The following ZC3H18 variants were observed in gnomAD, a reference collection of about 807,000 sequenced individuals.
ZC3H18 encodes zinc finger CCCH-type containing 18, also known as zinc finger CCCH domain-containing protein 18.
Under a neutral mutation model 106.1 loss-of-function variants are expected in ZC3H18, and 8 were observed. That is an observed-to-expected ratio of 0.08 (90% confidence interval 0.04 to 0.14). ZC3H18 has a LOEUF of 0.14. Among genes scored for constraint, ZC3H18 ranks in the 10% least tolerant of loss-of-function variants. ZC3H18 has a pLI of 1.00. For synonymous variants in ZC3H18, 635 were observed against 522.1 expected (o/e 1.22, Z -2.95); for missense variants, 1,318 against 1,278.4 (o/e 1.03, Z -0.47).
chr16:88,575,312 T>C (rs1914678254), intron 1 of ZC3H18, among the ~76,000 whole-genome samples: 2 of 152,080 alleles, frequency 1.3e-5, no homozygotes, highest in South Asian at 2.1e-4. Flanking sequence ...GACATATAAA[T>C]GTGTATGTGT....
chr16:88,631,296 A>G lies in ZC3H18; in HGVS notation c.2859A>G (p.Ala953=), dbSNP rs777874773. ...AGCGGGCCAAGATCCCCGGGAAAGC[A>G]TAGGCCGTGCCCCGACCGGACTGGA... ...ARKRAKIPGK[A] is the part of the protein sequence containing the mutation. The change falls in exon 18 of 18, where the codon GCA becomes GCG. Residue 953 remains alanine, a synonymous_variant. Transcript: ENST00000301011. The G allele has an allele frequency of 6.3e-7, 1 of 1,579,068 alleles. No individual in the cohort carries two copies. The highest frequency in any genetic ancestry group is 8.6e-7 in the Non-Finnish European group (1 of 1,162,568).
intron 2 of ZC3H18, among the ~76,000 whole-genome samples, chr16:88,578,502 G>GA (rs1254072740): frequency 6.6e-6 from 1 of 151,900 alleles, no homozygotes; most frequent in African/African-American, 2.4e-5. Flanking sequence ...GTGAGCAAGG[G>GA]ACAGAGCAGT....
rs1449399431 is a variant in ZC3H18, at chr16:88,572,239, T to TGCCGCAGA, written c.-15+1677_-15+1678insCAGAGCCG. On this transcript the variant is annotated intron_variant, in intron 1 of 17. Coordinates refer to ENST00000301011, the MANE Select transcript of ZC3H18 (RefSeq NM_144604.4). ...CCCCAAACGCTCTGCATTTCAGCAG[T>TGCCGCAGA]GCCGTTGGAGTCTGTGCATCCTCCC... is the stretch of plus-strand genomic sequence containing the variant. Among the ~76,000 whole-genome samples the TGCCGCAGA allele has an allele frequency of 2.0e-5, 3 of 152,338 alleles. No homozygotes were observed. In the East Asian group the frequency reaches 5.8e-4, roughly 29 times the overall value.
chr16:88,598,152 T>G, intron 3 of ZC3H18, 26 bp from the exon 4 acceptor site: 1 of 1,468,302 alleles, frequency 6.8e-7, no homozygotes, highest in Non-Finnish European at 9.1e-7. Flanking sequence ...TGTGGACCCT[T>G]TCTGATCTCA....
intron 2 of ZC3H18, among the ~76,000 whole-genome samples, chr16:88,580,562 G>A (rs1164511008): frequency 6.6e-6 from 1 of 152,044 alleles, no homozygotes; most frequent in Admixed American, 6.5e-5. Context: ...CTCCTCTCAG[G>A]CCCAGTTCCA....
intron 8 of ZC3H18, among the ~76,000 whole-genome samples, chr16:88,611,847 C>T (rs1045467839): frequency 6.6e-6 from 1 of 152,306 alleles, no homozygotes; most frequent in East Asian, 1.9e-4. Context: ...TAGGCGCTGC[C>T]CTTGTATACC....
At chr16:88,576,332 G>A (rs989002760) in intron 1 of ZC3H18, among the ~76,000 whole-genome samples, 1 of 152,134 alleles carries the variant, frequency 6.6e-6, no homozygotes, top group African/African-American at 2.4e-5. Flanking sequence ...GCGAGCCACC[G>A]TACCTGGCCA....
In ZC3H18 at chr16:88,631,918, G is replaced by T; in HGVS notation, c.*619G>T. ...TGTTGGGGCGTCTGTCTAATGTGGT[G>T]GGTCTTTTTTTGAGGGGTCTCCTAA... is the stretch of plus-strand genomic sequence containing the variant. On this transcript the variant is annotated 3_prime_UTR_variant, in exon 18 of 18. Transcript: ENST00000301011. 3.9e-6 allele frequency: 1 copy of T among 259,694 alleles called. No homozygotes were observed. Among genetic ancestry groups the T allele is most frequent in the South Asian group, 3.5e-5 (1 of 28,448 alleles). 16.1% of individuals were successfully genotyped at this position (259,694 alleles called of 1,614,324 possible).
intron 13 of ZC3H18, chr16:88,626,652 C>G (rs1184400350): frequency 1.3e-5 from 2 of 151,812 alleles, no homozygotes; most frequent in Non-Finnish European, 2.9e-5. Context: ...CGCGCCTGGC[C>G]TAAATGTTTC....
chr16:88,620,869 TTTTG>T (rs1365992606), intron 8 of ZC3H18, among the ~76,000 whole-genome samples: 4 of 152,192 alleles, frequency 2.6e-5, no homozygotes, highest in Non-Finnish European at 5.9e-5. Context: ...GTTTGGGTTT[TTTTG>T]TTTGTTTTTT....
intron 8 of ZC3H18, among the ~76,000 whole-genome samples, chr16:88,613,073 A>G (rs1294445087): frequency 1.3e-5 from 2 of 152,200 alleles, no homozygotes; most frequent in African/African-American, 4.8e-5. Context: ...CCAGTCTCTT[A>G]GCAGCTTTGT....
intron 6 of ZC3H18, among the ~76,000 whole-genome samples, chr16:88,605,593 C>T (rs1362777516): frequency 6.6e-6 from 1 of 152,262 alleles, no homozygotes; most frequent in African/African-American, 2.4e-5. Flanking sequence ...AGCACGATTT[C>T]AACCTGAATT....
intron 3 of ZC3H18, among the ~76,000 whole-genome samples, chr16:88,597,168 C>T (rs1160580547): frequency 3.3e-5 from 5 of 152,198 alleles, no homozygotes; most frequent in African/African-American, 4.8e-5. Flanking sequence ...TGAGCCACCA[C>T]GCCTGGCCTC....
chr16:88,591,900 G>T (rs373354308), intron 3 of ZC3H18, among the ~76,000 whole-genome samples: 2 of 134,640 alleles, frequency 1.5e-5, no homozygotes, highest in Non-Finnish European at 3.4e-5. Context: ...TGGTGGTTGT[G>T]TGTTTCATCT....
intron 3 of ZC3H18, among the ~76,000 whole-genome samples, chr16:88,588,645 T>C (rs1184773009): frequency 6.6e-6 from 1 of 152,178 alleles, no homozygotes; most frequent in Non-Finnish European, 1.5e-5. Context: ...AGTGAGACCA[T>C]GTGGAAGGGT....
chr16:88,576,407 C>T (rs1402658612), intron 1 of ZC3H18, among the ~76,000 whole-genome samples: 1 of 152,196 alleles, frequency 6.6e-6, no homozygotes, highest in African/African-American at 2.4e-5. Flanking sequence ...TTCTTTTCGA[C>T]AGCAGCTACC....
In ZC3H18 at chr16:88,611,388, G is replaced by A. The variant is rs755668159; in HGVS notation, c.1327G>A (p.Asp443Asn). The A allele has an allele frequency of 1.2e-4, 139 of 1,176,732 alleles. No individual in the cohort carries two copies. The highest frequency in any genetic ancestry group is 4.2e-4 in the Admixed American group (21 of 50,490). The allele number at this position is 1,176,732 out of a possible 1,614,324, so 72.9% of individuals were successfully genotyped here. The change falls in exon 8 of 18, where the codon GAC becomes AAC. Residue 443 changes from aspartate (D) to asparagine (N), a missense_variant. Coordinates refer to ENST00000301011, the MANE Select transcript of ZC3H18 (RefSeq NM_144604.4). Reference protein sequence around the residue: ...ERERERERERDKERQRRKEEW... With the variant: ...ERERERERERNKERQRRKEEW... ...CGAGCGAGAGCGGGAGCGCGAGCGC[G>A]ACAAGGAGCGGCAGCGGAGGAAGGA...
At chr16:88,583,225 GTTCT>G (rs1264135739) in intron 2 of ZC3H18, among the ~76,000 whole-genome samples, 1 of 152,220 alleles carries the variant, frequency 6.6e-6, no homozygotes, top group South Asian at 2.1e-4. Flanking sequence ...TGTTCACAGT[GTTCT>G]TTCTATTTAA....
Position 88,587,475 on chromosome 16 carries a change from T to C in ZC3H18, c.688+791T>C, listed in dbSNP as rs140686488. On this transcript the variant is annotated intron_variant, in intron 3 of 17. Transcript: ENST00000301011. Reference sequence around the variant, plus strand: ...CTTAATTTTGCTGTAAGCCCATAGATGACTGTCACTGCCAGCCTGTGTGTG... The same window carrying C: ...CTTAATTTTGCTGTAAGCCCATAGACGACTGTCACTGCCAGCCTGTGTGTG... The C allele has an allele frequency of 7.2e-4, 981 of 1,366,866 alleles. 7 individuals are homozygous for C. The African/African-American group carries it at 0.011, about 16-fold the overall frequency. The allele number at this position is 1,366,866 out of a possible 1,614,324, so 84.7% of individuals were successfully genotyped here.
Sources: gnomAD v4.1 joint callset for allele counts (sites outside exome capture counted in the v4.1 genomes callset) on GRCh38, gnomAD v4.1.1 for gene constraint, MANE v1.5 for transcripts, NCBI Gene and HGNC (gene_info 2026-07-23, HGNC 2026-07-21) for gene names.